The following IFNAR1 variants were observed in gnomAD, a reference collection of about 807,000 sequenced individuals.
The protein encoded by IFNAR1 is interferon alpha and beta receptor subunit 1.
A neutral mutation model predicts 62.1 loss-of-function variants in IFNAR1; 47 were observed. The ratio of observed to expected loss-of-function variants is 0.76; its 90% CI spans 0.60 to 0.97. The LOEUF (loss-of-function observed/expected upper bound fraction) is 0.97, where lower values mean the gene tolerates loss of function less well. Among genes scored for constraint, IFNAR1 ranks in the 50% least tolerant of loss-of-function variants. The probability of loss-of-function intolerance (pLI) is 0.00; values close to 1 mark genes in which losing one functional copy is unlikely to be tolerated. For missense variants in IFNAR1, 638 were observed against 654.5 expected (o/e 0.97, Z 0.27); for synonymous variants, 219 against 226.9 (o/e 0.97, Z 0.31).
In IFNAR1 at chr21:33,352,824, G is replaced by A. The variant is rs1379323790; in HGVS notation, c.1210G>A (p.Val404Met). ...TTTGAAACCACTGACTGTATATTGT[G>A]TGAAAGCCAGAGCACACACCATGGA... is the stretch of plus-strand genomic sequence containing the variant. ...PNLKPLTVYCVKARAHTMDEK... is the reference protein window; with the variant it reads ...PNLKPLTVYCMKARAHTMDEK... The change falls in exon 9 of 11, where the codon GTG becomes ATG. Residue 404 changes from valine to methionine, a missense_variant. Transcript: ENST00000270139. 1 of 1,599,788 alleles carries A rather than the reference G, an allele frequency of 6.3e-7. No individual in the cohort carries two copies. Among genetic ancestry groups the A allele is most frequent in the Non-Finnish European group, 8.6e-7 (1 of 1,169,376 alleles).
Position 33,329,556 on chromosome 21 carries a change from G to A in IFNAR1, c.76+4425G>A, listed in dbSNP as rs570885975. ...CTGGAAAGAGCAAGAAGCTGTCTCA[G>A]TTAAGAAAGTTCTATACAAGAACCC... On this transcript the variant is annotated intron_variant, in intron 1 of 10. Transcript: ENST00000270139. Among the ~76,000 whole-genome samples the A allele has an allele frequency of 2.2e-3, 335 of 152,236 alleles. 3 individuals are homozygous for A. Among genetic ancestry groups the A allele is most frequent in the African/African-American group, 7.7e-3 (319 of 41,546 alleles).
chr21:33,347,318 C>T (rs940699463), intron 6 of IFNAR1, among the ~76,000 whole-genome samples: 4 of 152,038 alleles, frequency 2.6e-5, no homozygotes, highest in Non-Finnish European at 5.9e-5. Flanking sequence ...TTAGTAGAAA[C>T]GGGGTTTCAC....
At chr21:33,332,295 G>A (rs948881449) in intron 1 of IFNAR1, among the ~76,000 whole-genome samples, 1 of 152,084 alleles carries the variant, frequency 6.6e-6, no homozygotes, top group African/African-American at 2.4e-5. Flanking sequence ...ATTGAACACA[G>A]GTAAAGCAGC....
At chr21:33,345,988 G>A (rs2083342016) in intron 6 of IFNAR1, among the ~76,000 whole-genome samples, 1 of 152,254 alleles carries the variant, frequency 6.6e-6, no homozygotes, top group Non-Finnish European at 1.5e-5. Flanking sequence ...GTGGGCTGAG[G>A]CAGGAGGATT....
chr21:33,350,764 C>T (rs1397254817), intron 8 of IFNAR1, among the ~76,000 whole-genome samples: 2 of 152,164 alleles, frequency 1.3e-5, no homozygotes, highest in Admixed American at 1.3e-4. Flanking sequence ...AATTGTCTGA[C>T]AACCCTGTAA....
chr21:33,325,742 GT>G (rs2083120596), intron 1 of IFNAR1, among the ~76,000 whole-genome samples: 1 of 152,192 alleles, frequency 6.6e-6, no homozygotes, highest in Admixed American at 6.5e-5. Context: ...AAGGCAAATA[GT>G]TCTGTGAGAA....
At chr21:33,333,390 A>G (rs1468203134) in intron 1 of IFNAR1, among the ~76,000 whole-genome samples, 1 of 152,194 alleles carries the variant, frequency 6.6e-6, no homozygotes, top group African/African-American at 2.4e-5. Flanking sequence ...AAAACATGGA[A>G]AAGTATAAAA....
intron 2 of IFNAR1, among the ~76,000 whole-genome samples, chr21:33,338,949 T>C (rs985399127): frequency 6.6e-6 from 1 of 151,958 alleles, no homozygotes; most frequent in African/African-American, 2.4e-5. Flanking sequence ...TCCATGTTGA[T>C]CGGGCTGATC....
At chr21:33,355,181 C>T (rs2254315) in intron 10 of IFNAR1, 135 bp from the exon 11 acceptor site, 109,095 of 556,558 alleles carry the variant, frequency 0.2, 11,842 homozygotes, top group East Asian at 0.34. Flanking sequence ...TGTTCTTAGG[C>T]GACTTTTTAA....
intron 1 of IFNAR1, among the ~76,000 whole-genome samples, chr21:33,325,811 A>AAAGAGAGT (rs2083121192): frequency 6.6e-6 from 1 of 152,196 alleles, no homozygotes. Flanking sequence ...TTGAAGAGAA[A>AAAGAGAGT]AAGAGAGTAA....
chr21:33,345,439 TC>T, intron 6 of IFNAR1, 79 bp downstream of exon 6: 2 of 790,268 alleles, frequency 2.5e-6, no homozygotes, highest in Non-Finnish European at 4.5e-6. Context: ...AGTCACCAGG[TC>T]CTTGCACACA....
chr21:33,344,278 A>G (rs946928199), intron 5 of IFNAR1, among the ~76,000 whole-genome samples: 3 of 152,210 alleles, frequency 2.0e-5, no homozygotes, highest in Non-Finnish European at 4.4e-5. Context: ...AAGGTGGGGA[A>G]GTAGTTGCTA....
In IFNAR1 at chr21:33,355,537, G is replaced by T; in HGVS notation, c.1662G>T (p.Gln554His). 1 of 1,574,470 alleles carries T rather than the reference G, an allele frequency of 6.4e-7. No individual in the cohort carries two copies. The highest frequency in any genetic ancestry group is 8.6e-7 in the Non-Finnish European group (1 of 1,157,290). Reference protein sequence around the residue: ...SESKTSEELQQDFV With the variant: ...SESKTSEELQHDFV ...GTAAAACAAGTGAAGAACTACAGCAGGACTTTGTATGACCAGAAATGAACT... is the reference window on the plus strand; with the variant it reads ...GTAAAACAAGTGAAGAACTACAGCATGACTTTGTATGACCAGAAATGAACT... The change falls in exon 11 of 11, where the codon CAG becomes CAT. Residue 554 changes from glutamine to histidine, a missense_variant. Physicochemically the swap from Gln to His is conservative, Grantham distance 24. Transcript: ENST00000270139.
intron 2 of IFNAR1, 49 bp downstream of exon 2, chr21:33,335,696 A>G (rs766985712): frequency 4.4e-6 from 6 of 1,373,162 alleles, no homozygotes; most frequent in East Asian, 5.1e-5. Context: ...AATAATTTTT[A>G]CAAGTTTAAC....
Position 33,341,185 on chromosome 21 carries a change from G to C in IFNAR1, c.376+11G>C, listed in dbSNP as rs761552395. On this transcript the variant is annotated intron_variant, in intron 3 of 10. Transcript: ENST00000270139. ...CACCATTTCGCAAAGGTAAGAAAAA[G>C]TTGCTAGCTGAATTATATTCTTTAG... is the stretch of plus-strand genomic sequence containing the variant. 2.5e-6 allele frequency: 4 copies of C among 1,592,286 alleles called. No homozygotes were observed. Among genetic ancestry groups the C allele is most frequent in the Non-Finnish European group, 3.4e-6 (4 of 1,166,414 alleles).
intron 8 of IFNAR1, 126 bp from the exon 9 acceptor site, chr21:33,352,632 A>G: frequency 1.9e-6 from 1 of 534,386 alleles, no homozygotes; most frequent in Non-Finnish European, 3.3e-6. Flanking sequence ...AAAACAAAAC[A>G]AAAAATACAT....
chr21:33,352,509 A>G (rs968678041), intron 8 of IFNAR1, among the ~76,000 whole-genome samples: 1 of 152,124 alleles, frequency 6.6e-6, no homozygotes, highest in Non-Finnish European at 1.5e-5. Context: ...AGGGTGAGGC[A>G]GGAGAATCGC....
rs1568935319 is a variant in IFNAR1 at position 33,357,541 on chromosome 21, T to TTGTTTTTTTTTTTTC, written c.*1993_*1994insGTTTTTTTTTTTTCT. 2.0e-5 allele frequency: 3 copies of TTGTTTTTTTTTTTTC among 151,676 alleles called. No homozygotes were observed. Among genetic ancestry groups the TTGTTTTTTTTTTTTC allele is most frequent in the African/African-American group, 7.3e-5 (3 of 41,034 alleles). The allele number at this position is 151,676 out of a possible 1,614,324, so 9.4% of individuals were successfully genotyped here. On this transcript the variant is annotated 3_prime_UTR_variant, in exon 11 of 11. Coordinates refer to ENST00000270139, the MANE Select transcript of IFNAR1 (RefSeq NM_000629.3). ...TCTGACCAGAGGCTGTTTTTTTTTTTTTTTGAGACAGTCTCATTCTGTTGC... is the reference window on the plus strand; with the variant it reads ...TCTGACCAGAGGCTGTTTTTTTTTTTTGTTTTTTTTTTTTCTTTTGAGACAGTCTCATTCTGTTGC...
intron 1 of IFNAR1, among the ~76,000 whole-genome samples, chr21:33,329,935 A>G (rs1338726817): frequency 6.6e-6 from 1 of 152,206 alleles, no homozygotes; most frequent in Non-Finnish European, 1.5e-5. Context: ...CTGTCTCCTC[A>G]CCTAGACAAG....
Sources: allele counts gnomAD v4.1 joint callset (sites outside exome capture counted in the v4.1 genomes callset), GRCh38; gene constraint gnomAD v4.1.1; transcripts MANE v1.5; gene names NCBI Gene and HGNC (gene_info 2026-07-23, HGNC 2026-07-21).